EFHC2: variants seen among roughly 807,000 people sequenced by gnomAD.
The protein encoded by EFHC2 is EF-hand domain-containing family member C2.
EFHC2 carries 18 observed loss-of-function variants against 52.7 expected under a neutral mutation model. The observed-to-expected ratio is 0.34, with a 90% CI of 0.24 to 0.51. The LOEUF is 0.51. EFHC2 is among the 20% of genes least tolerant of loss of function. EFHC2 has a pLI of 0.97. For missense variants in EFHC2, 513 were observed against 562.5 expected (o/e 0.91, Z 0.89); for synonymous variants, 203 against 204.1 (o/e 0.99, Z 0.04).
At chrX:44,217,156 A>G (rs940224653) in intron 11 of EFHC2, among the ~76,000 whole-genome samples, 1 of 111,994 alleles carries the variant, frequency 8.9e-6, no homozygotes, top group Non-Finnish European at 1.9e-5. Context: ...AATGCAAATC[A>G]AAAGTACAAT....
chrX:44,310,292 T>G (rs2037937906), intron 2 of EFHC2: 2 of 1,021,354 alleles, frequency 2.0e-6, no homozygotes, highest in Non-Finnish European at 2.7e-6. Context: ...CGGGGGCAGC[T>G]GCTTTAGTTT....
chrX:44,250,657 T>C (rs1490220415), intron 4 of EFHC2, among the ~76,000 whole-genome samples: 3 of 101,645 alleles, frequency 3.0e-5, no homozygotes, highest in Non-Finnish European at 6.0e-5. Context: ...AAAACACAAC[T>C]CTTAAAAAAA....
chrX:44,154,151 C>A (rs1301411523), intron 14 of EFHC2, among the ~76,000 whole-genome samples: 1 of 112,548 alleles, frequency 8.9e-6, no homozygotes, highest in African/African-American at 3.2e-5. Flanking sequence ...CTCATTCTTT[C>A]CACTCTGGAG....
At chrX:44,236,067 C>A (rs1261481088) in intron 8 of EFHC2, among the ~76,000 whole-genome samples, 3 of 108,870 alleles carry the variant, frequency 2.8e-5, no homozygotes, top group Non-Finnish European at 5.7e-5. Context: ...TAAGCCATTA[C>A]AAGTCTGTTT....
At chrX:44,326,107 T>G (rs778138213) in intron 1 of EFHC2, among the ~76,000 whole-genome samples, 1 of 109,156 alleles carries the variant, frequency 9.2e-6, no homozygotes, top group East Asian at 2.9e-4. Flanking sequence ...TTGCCCAGAC[T>G]GATCTTGAAC....
chrX:44,196,598 C>T lies in EFHC2; in HGVS notation c.1752-18034G>A, dbSNP rs182231301. Among the ~76,000 whole-genome samples the T allele has an allele frequency of 6.5e-3, 730 of 111,684 alleles. 3 individuals carry two copies. The highest frequency in any genetic ancestry group is 0.023 in the Middle Eastern group (5 of 217). ...CCCCAACTGCCCCCATTCCAAAAGACAGTCTTCCAGAAAAGGCAGAGTCAA... is the reference window on the plus strand; with the variant it reads ...CCCCAACTGCCCCCATTCCAAAAGATAGTCTTCCAGAAAAGGCAGAGTCAA... On this transcript the variant is annotated intron_variant, in intron 11 of 14. Transcript: ENST00000420999.
intron 13 of EFHC2, among the ~76,000 whole-genome samples, chrX:44,164,301 C>T (rs73628311): frequency 0.031 from 3,510 of 111,772 alleles, 158 homozygotes; most frequent in African/African-American, 0.11. Flanking sequence ...TTGCCACAGA[C>T]GCAAATTTGC....
intron 3 of EFHC2, among the ~76,000 whole-genome samples, chrX:44,271,087 T>C (rs1477189494): frequency 8.9e-6 from 1 of 111,872 alleles, no homozygotes; most frequent in African/African-American, 3.3e-5. Context: ...ATTACTTTAA[T>C]GTAACATGTG....
At chrX:44,236,746 C>G (rs1317093947) in intron 8 of EFHC2, among the ~76,000 whole-genome samples, 1 of 111,251 alleles carries the variant, frequency 9.0e-6, no homozygotes, top group Non-Finnish European at 1.9e-5. Flanking sequence ...TACCCAGTTT[C>G]CAGGCTTCAG....
rs146532362 is a variant in EFHC2 at position 44,219,659 on chromosome X, G to A, written c.1751+9990C>T. Among the ~76,000 whole-genome samples the A allele has an allele frequency of 1.7e-3, 190 of 111,800 alleles. 3 individuals carry two copies. In the East Asian group the frequency reaches 0.046, roughly 27 times the overall value. On this transcript the variant is annotated intron_variant, in intron 11 of 14. Transcript: ENST00000420999. ...ATGAATGGGTAAAACATGCTAATTTGATAGGAATTTGAAAATTATAAAAAC... is the reference window on the plus strand; with the variant it reads ...ATGAATGGGTAAAACATGCTAATTTAATAGGAATTTGAAAATTATAAAAAC...
chrX:44,260,239 T>C (rs765231876), intron 4 of EFHC2, among the ~76,000 whole-genome samples: 3 of 111,380 alleles, frequency 2.7e-5, no homozygotes, highest in African/African-American at 9.8e-5. Context: ...CTCATCCAAC[T>C]GTACACTTAA....
chrX:44,272,546 T>C, intron 3 of EFHC2, 140 bp downstream of exon 3: 1 of 574,388 alleles, frequency 1.7e-6, no homozygotes, highest in Non-Finnish European at 2.7e-6. Flanking sequence ...TACACGCTAA[T>C]GGCATGTTTA....
intron 14 of EFHC2, among the ~76,000 whole-genome samples, chrX:44,151,827 G>A (rs757925868): frequency 3.6e-5 from 4 of 111,647 alleles, no homozygotes; most frequent in Non-Finnish European, 7.5e-5. Flanking sequence ...GAAATTCTAA[G>A]TTCAACTGTG....
intron 7 of EFHC2, among the ~76,000 whole-genome samples, chrX:44,246,400 T>G (rs1487482084): frequency 1.8e-5 from 2 of 112,491 alleles, no homozygotes; most frequent in Admixed American, 1.9e-4. Context: ...ACATATGTTA[T>G]GAGAAATATA....
At chrX:44,225,301 C>A (rs1569288058) in intron 11 of EFHC2, among the ~76,000 whole-genome samples, 1 of 110,767 alleles carries the variant, frequency 9.0e-6, no homozygotes, top group Non-Finnish European at 1.9e-5. Context: ...CTGATGGCTG[C>A]CTGTCCCTGC....
At chrX:44,204,761 G>A (rs2037034156) in intron 11 of EFHC2, among the ~76,000 whole-genome samples, 1 of 111,685 alleles carries the variant, frequency 9.0e-6, no homozygotes, top group Non-Finnish European at 1.9e-5. Context: ...TGACTTACTG[G>A]CATTCGAGAG....
At chrX:44,184,806 A>G (rs1034727772) in intron 11 of EFHC2, among the ~76,000 whole-genome samples, 5 of 109,449 alleles carry the variant, frequency 4.6e-5, no homozygotes, top group Admixed American at 2.0e-4. Context: ...TCTTTTCCTC[A>G]GTGTCATTCA....
chrX:44,332,396 A>G (rs985250416), intron 1 of EFHC2, among the ~76,000 whole-genome samples: 15 of 110,676 alleles, frequency 1.4e-4, no homozygotes, highest in African/African-American at 4.9e-4. Flanking sequence ...ACATACCATT[A>G]GGAAAGCAAA....
chrX:44,294,284 G>C (rs1440034602), intron 2 of EFHC2, among the ~76,000 whole-genome samples: 2 of 96,103 alleles, frequency 2.1e-5, no homozygotes, highest in Admixed American at 1.3e-4. Context: ...GTGTGTGTGT[G>C]TGTGTGTGTG....
Sources: gnomAD v4.1 joint callset for allele counts (sites outside exome capture counted in the v4.1 genomes callset) on GRCh38, gnomAD v4.1.1 for gene constraint, MANE v1.5 for transcripts, NCBI Gene and HGNC (gene_info 2026-07-23, HGNC 2026-07-21) for gene names.